Variants in COL24A1 observed in about 807,000 individuals in gnomAD.
COL24A1 encodes the protein collagen type XXIV alpha 1 chain.
COL24A1 carries 224 observed loss-of-function variants against 253.9 expected under a neutral mutation model. That is an observed-to-expected ratio of 0.88 (90% CI 0.79 to 0.99). The LOEUF is 0.99. Ranked by LOEUF, COL24A1 falls within the 50% of genes least tolerant of loss-of-function variation. COL24A1 has a pLI of 0.00. For missense variants in COL24A1, 2,131 were observed against 2,068.5 expected (o/e 1.03, Z -0.59); for synonymous variants, 685 against 673.7 (o/e 1.02, Z -0.26).
chr1:86,065,864 C>T (rs760110348), intron 7 of COL24A1, among the ~76,000 whole-genome samples: 26 of 150,364 alleles, frequency 1.7e-4, no homozygotes, highest in Admixed American at 4.6e-4. Flanking sequence ...AAGTACTTAA[C>T]AGTGGGGGTA....
intron 7 of COL24A1, among the ~76,000 whole-genome samples, chr1:86,064,233 C>T (rs1038464706): frequency 6.6e-5 from 10 of 151,984 alleles, no homozygotes; most frequent in East Asian, 1.9e-4. Flanking sequence ...GTCATAACAC[C>T]CCATGAATGA....
chr1:86,065,811 T>TA (rs1365825193), intron 7 of COL24A1, among the ~76,000 whole-genome samples: 8 of 150,530 alleles, frequency 5.3e-5, no homozygotes, highest in African/African-American at 1.7e-4. Flanking sequence ...ATCTCTTTTT[T>TA]AAAAAAATGA....
rs1316940869 is a variant in COL24A1 at position 85,936,594 on chromosome 1, A to G, written c.2562+24655T>C. ...TTTATTAATTTGGGAGCACTTTCCA[A>G]GATAGAGGAATTAACACTCTGGCAA... On this transcript the variant is annotated intron_variant, in intron 24 of 59. Transcript: ENST00000370571. 1.4e-5 allele frequency among the ~76,000 whole-genome samples: 2 copies of G among 147,220 alleles called. 1 individual carries two copies. Among genetic ancestry groups the G allele is most frequent in the African/African-American group, 5.0e-5 (2 of 40,154 alleles).
chr1:86,026,431 T>C (rs1015276989), intron 14 of COL24A1, among the ~76,000 whole-genome samples: 1 of 152,180 alleles, frequency 6.6e-6, no homozygotes, highest in Admixed American at 6.5e-5. Context: ...GATTCCCCCA[T>C]GCTATTCTCA....
intron 43 of COL24A1, among the ~76,000 whole-genome samples, chr1:85,836,435 C>T (rs1676013808): frequency 6.6e-6 from 1 of 152,154 alleles, no homozygotes; most frequent in Non-Finnish European, 1.5e-5. Context: ...GGTGATAATG[C>T]TAACCATCAG....
At chr1:85,972,701 A>T (rs1320250496) in intron 20 of COL24A1, among the ~76,000 whole-genome samples, 1 of 152,228 alleles carries the variant, frequency 6.6e-6, no homozygotes, top group Non-Finnish European at 1.5e-5. Flanking sequence ...TGTGACAGAC[A>T]TCTAAGTCAG....
intron 7 of COL24A1, among the ~76,000 whole-genome samples, chr1:86,087,211 G>C (rs950260001): frequency 6.6e-6 from 1 of 152,068 alleles, no homozygotes. Flanking sequence ...ATCTGTGAAA[G>C]ATATTCAATT....
intron 32 of COL24A1, among the ~76,000 whole-genome samples, chr1:85,881,090 G>A (rs1240409785): frequency 6.6e-6 from 1 of 152,154 alleles, no homozygotes; most frequent in Non-Finnish European, 1.5e-5. Context: ...CTATTTTCTG[G>A]AACAGCTTGT....
intron 23 of COL24A1, among the ~76,000 whole-genome samples, chr1:85,961,527 T>A (rs1373151811): frequency 1.3e-5 from 2 of 152,110 alleles, no homozygotes; most frequent in African/African-American, 4.8e-5. Context: ...AAAATAAAAA[T>A]TTTTAAAAAC....
At chr1:85,953,555 T>G (rs1399034434) in intron 24 of COL24A1, among the ~76,000 whole-genome samples, 1 of 152,208 alleles carries the variant, frequency 6.6e-6, no homozygotes, top group Non-Finnish European at 1.5e-5. Context: ...TAGCACACAT[T>G]AAGTGTTCAG....
chr1:85,957,653 T>G (rs1690607468), intron 24 of COL24A1, among the ~76,000 whole-genome samples: 1 of 152,204 alleles, frequency 6.6e-6, no homozygotes, highest in Non-Finnish European at 1.5e-5. Context: ...TATCCACTTC[T>G]CTTTATCTCC....
intron 1 of COL24A1, among the ~76,000 whole-genome samples, chr1:86,149,117 A>T (rs1242294957): frequency 6.6e-6 from 1 of 152,092 alleles, no homozygotes; most frequent in African/African-American, 2.4e-5. Flanking sequence ...CTGGTCTCGA[A>T]CTCCTGACCT....
In COL24A1 at chr1:86,156,503, T is replaced by C; in HGVS notation, c.-107A>G. 9.9e-7 allele frequency: 1 copy of C among 1,014,578 alleles called. No homozygotes were observed. Among genetic ancestry groups the C allele is most frequent in the Non-Finnish European group, 1.4e-6 (1 of 719,856 alleles). The allele number at this position is 1,014,578 out of a possible 1,614,324, so 62.8% of individuals were successfully genotyped here. On this transcript the variant is annotated 5_prime_UTR_variant, in exon 1 of 60. It removes an upstream start codon present in the reference 5' UTR. Transcript: ENST00000370571. ...ATGAAAAAGGGAAAAAACAATCACA[T>C]GAAAACCATGCTTCAAACCCGCAAC...
intron 11 of COL24A1, among the ~76,000 whole-genome samples, chr1:86,049,432 T>C (rs1700146800): frequency 6.6e-6 from 1 of 152,198 alleles, no homozygotes; most frequent in South Asian, 2.1e-4. Flanking sequence ...ATTCTTATAA[T>C]GATAGGGGTG....
At chr1:85,826,135 C>T (rs1328318675) in intron 43 of COL24A1, among the ~76,000 whole-genome samples, 1 of 139,206 alleles carries the variant, frequency 7.2e-6, no homozygotes, top group Non-Finnish European at 1.6e-5. Flanking sequence ...TTTCAGCTTT[C>T]TATATATGGC....
intron 45 of COL24A1, among the ~76,000 whole-genome samples, chr1:85,820,760 C>T (rs1673537899): frequency 6.6e-6 from 1 of 152,110 alleles, no homozygotes; most frequent in South Asian, 2.1e-4. Flanking sequence ...TTTTGCCTGG[C>T]CAGCACTGAA....
chr1:86,015,037 C>A (rs1407312752), intron 19 of COL24A1, among the ~76,000 whole-genome samples: 5 of 152,160 alleles, frequency 3.3e-5, no homozygotes. Flanking sequence ...ACTATACAAG[C>A]AGAAAGTTTT....
rs1345538843 is a variant in COL24A1, at chr1:85,744,722, T to C, written c.4616A>G (p.Asp1539Gly). The change falls in exon 57 of 60, where the codon GAT becomes GGT. Residue 1539 changes from aspartate (D) to glycine (G), a missense_variant. By Grantham distance (94) the Asp-to-Gly change is moderately conservative. Coordinates refer to ENST00000370571, the MANE Select transcript of COL24A1 (RefSeq NM_152890.7). ...ATCTTTGCAGATTCGTGCTGGGTTA[T>C]CTCGTGTGCCAAGAGGATTCTTGAT... ...HSIKNPLGTRDNPARICKDLL... is the reference protein window; with the variant it reads ...HSIKNPLGTRGNPARICKDLL... The C allele has an allele frequency of 1.9e-6, 3 of 1,609,688 alleles. No individual in the cohort carries two copies. The highest frequency in any genetic ancestry group is 1.7e-5 in the Admixed American group (1 of 59,352).
At chr1:85,906,463 C>A (rs1417302066) in intron 28 of COL24A1, among the ~76,000 whole-genome samples, 2 of 151,558 alleles carry the variant, frequency 1.3e-5, no homozygotes, top group African/African-American at 4.8e-5. Context: ...GAGTCAGACA[C>A]ACTAAGGTTT....
Sources: allele counts gnomAD v4.1 joint callset (sites outside exome capture counted in the v4.1 genomes callset), GRCh38; gene constraint gnomAD v4.1.1; transcripts MANE v1.5; gene names NCBI Gene and HGNC (gene_info 2026-07-23, HGNC 2026-07-21).